BZW2: variants seen among roughly 807,000 people sequenced by gnomAD.
BZW2 encodes basic leucine zipper and W2 domains 2.
A neutral mutation model predicts 53.2 loss-of-function variants in BZW2; 23 were observed. The observed-to-expected ratio is 0.43, with a 90% confidence interval of 0.31 to 0.61. The LOEUF (loss-of-function observed/expected upper bound fraction) is 0.61, where lower values mean the gene tolerates loss of function less well. Ranked by LOEUF, BZW2 falls within the 20% of genes least tolerant of loss-of-function variation. The probability of loss-of-function intolerance (pLI) is 0.09; values close to 1 mark genes in which losing one functional copy is unlikely to be tolerated. For missense variants in BZW2, 409 were observed against 503.1 expected, an observed-to-expected ratio of 0.81 and a Z score of 1.79; for synonymous variants, 227 against 186.4, an observed-to-expected ratio of 1.22 and a Z score of -1.77.
intron 2 of BZW2, among the ~76,000 whole-genome samples, chr7:16,673,975 C>T (rs1046306301): frequency 7.2e-5 from 11 of 152,240 alleles, no homozygotes; most frequent in East Asian, 1.9e-4. Context: ...TCTCTGCTCA[C>T]CGCAACCTCC....
chr7:16,646,990 G>GAA (rs1562471647), intron 1 of BZW2, among the ~76,000 whole-genome samples: 1 of 152,040 alleles, frequency 6.6e-6, no homozygotes, highest in Non-Finnish European at 1.5e-5. Context: ...TGGAGAGGGC[G>GAA]GAGATTAAAT....
chr7:16,688,123 T>C (rs148791371), intron 6 of BZW2, among the ~76,000 whole-genome samples: 9 of 152,302 alleles, frequency 5.9e-5, no homozygotes, highest in African/African-American at 1.4e-4. Context: ...TTAAATGCTT[T>C]TACTTTCCAG....
chr7:16,663,026 A>C (rs1002009340), intron 1 of BZW2, among the ~76,000 whole-genome samples: 1 of 152,216 alleles, frequency 6.6e-6, no homozygotes, highest in Non-Finnish European at 1.5e-5. Context: ...TTTTGCAACA[A>C]TAAAGTATTG....
intron 10 of BZW2, among the ~76,000 whole-genome samples, chr7:16,703,502 A>C (rs1225861456): frequency 6.6e-6 from 1 of 152,152 alleles, no homozygotes; most frequent in Non-Finnish European, 1.5e-5. Context: ...CATAAGTTGA[A>C]ATTATATTTT....
intron 1 of BZW2, among the ~76,000 whole-genome samples, chr7:16,646,496 C>G (rs1343277414): frequency 6.6e-6 from 1 of 152,132 alleles, no homozygotes; most frequent in Non-Finnish European, 1.5e-5. Flanking sequence ...ATGAAGACCT[C>G]CGACTCGCAA....
chr7:16,662,768 G>C (rs1191984098), intron 1 of BZW2, among the ~76,000 whole-genome samples: 1 of 151,728 alleles, frequency 6.6e-6, no homozygotes. Flanking sequence ...GGTAGAGAGA[G>C]AGAAAAAAGG....
intron 5 of BZW2, among the ~76,000 whole-genome samples, chr7:16,683,981 C>T (rs1205159649): frequency 1.3e-5 from 2 of 152,008 alleles, no homozygotes; most frequent in African/African-American, 2.4e-5. Context: ...ATGACCCAGC[C>T]GTCATGAATT....
intron 7 of BZW2, among the ~76,000 whole-genome samples, chr7:16,691,233 C>T (rs573527687): frequency 3.8e-4 from 58 of 152,316 alleles, no homozygotes; most frequent in African/African-American, 1.3e-3. Flanking sequence ...CATGGTACCA[C>T]AAGCTGCAGA....
chr7:16,665,510 T>C lies in BZW2; in HGVS notation c.58+9T>C. 1 of 1,507,664 alleles carries C rather than the reference T, an allele frequency of 6.6e-7. No homozygotes were observed. Among genetic ancestry groups the C allele is most frequent in the Non-Finnish European group, 9.2e-7 (1 of 1,092,348 alleles). The allele number at this position is 1,507,664 out of a possible 1,614,324, so 93.4% of individuals were successfully genotyped here. On this transcript the variant is annotated intron_variant, in intron 2 of 11. Coordinates refer to ENST00000258761, the MANE Select transcript of BZW2 (RefSeq NM_014038.3). Reference sequence around the variant, plus strand: ...CAAAACTCGGAAAAGGGGTAGGTTGTGTGTGTGTGTGTGTGTGTGTTTAAA... The same window carrying C: ...CAAAACTCGGAAAAGGGGTAGGTTGCGTGTGTGTGTGTGTGTGTGTTTAAA...
At chr7:16,667,710 T>TA (rs1018482887) in intron 2 of BZW2, among the ~76,000 whole-genome samples, 1 of 152,158 alleles carries the variant, frequency 6.6e-6, no homozygotes, top group African/African-American at 2.4e-5. Flanking sequence ...ATATAAAAAT[T>TA]AAAAAAAATT....
chr7:16,675,212 T>C (rs1782730006), intron 3 of BZW2, among the ~76,000 whole-genome samples: 2 of 152,234 alleles, frequency 1.3e-5, no homozygotes, highest in Non-Finnish European at 2.9e-5. Flanking sequence ...ATTTTTCCTC[T>C]CATAGTCATT....
At chr7:16,665,633 G>C in intron 2 of BZW2, 132 bp downstream of exon 2, 1 of 1,442,984 alleles carries the variant, frequency 6.9e-7, no homozygotes, top group Admixed American at 2.2e-5. Flanking sequence ...TGTAGAATCT[G>C]AAGTGCTTTA....
rs889550356 is a variant in BZW2, at chr7:16,666,483, ACCT to A, written c.58+991_58+993del. On this transcript the variant is annotated intron_variant, in intron 2 of 11. Transcript: ENST00000258761. The stretch of plus-strand genomic sequence containing the variant: ...AGTGGCGCCATCTCGGCTCACTGCA[ACCT>A]CCTCCTCCCAGGTTCAAGCGATTCT... Among the ~76,000 whole-genome samples the A allele has an allele frequency of 1.0e-4, 15 of 148,462 alleles. No individual in the cohort carries two copies. The East Asian group carries it at 2.6e-3, about 26-fold the overall frequency.
At chr7:16,698,835 T>C (rs1273455838) in intron 10 of BZW2, among the ~76,000 whole-genome samples, 1 of 152,170 alleles carries the variant, frequency 6.6e-6, no homozygotes, top group Non-Finnish European at 1.5e-5. Flanking sequence ...TATGTAGTTT[T>C]GTGAGGGAGA....
At chr7:16,661,056 T>C (rs970725962) in intron 1 of BZW2, among the ~76,000 whole-genome samples, 1 of 152,156 alleles carries the variant, frequency 6.6e-6, no homozygotes, top group Non-Finnish European at 1.5e-5. Flanking sequence ...TTGTGTTCCC[T>C]GCTTTAGAGT....
intron 1 of BZW2, among the ~76,000 whole-genome samples, chr7:16,659,082 C>T (rs995236958): frequency 1.3e-5 from 2 of 150,560 alleles, no homozygotes; most frequent in African/African-American, 2.4e-5. Flanking sequence ...GGCAACATGG[C>T]GAAACTCTTA....
intron 1 of BZW2, among the ~76,000 whole-genome samples, chr7:16,646,910 AGAGTT>A (rs1781882179): frequency 6.6e-6 from 1 of 152,154 alleles, no homozygotes; most frequent in African/African-American, 2.4e-5. Context: ...TTGCTCTGCT[AGAGTT>A]CTCGGTTCTC....
At chr7:16,704,841 A>G (rs1426618652) in intron 11 of BZW2, among the ~76,000 whole-genome samples, 172 bp downstream of exon 11, 4 of 152,244 alleles carry the variant, frequency 2.6e-5, no homozygotes, top group African/African-American at 7.2e-5. Context: ...AATCACGGCA[A>G]TAAAAATCTC....
At chr7:16,690,177 A>G (rs1373804309) in intron 7 of BZW2, among the ~76,000 whole-genome samples, 1 of 152,024 alleles carries the variant, frequency 6.6e-6, no homozygotes, top group Non-Finnish European at 1.5e-5. Context: ...ATCAGAATTA[A>G]GACTTTGTTT....
Sources: allele counts gnomAD v4.1 joint callset (sites outside exome capture counted in the v4.1 genomes callset), GRCh38; gene constraint gnomAD v4.1.1; transcripts MANE v1.5; gene names NCBI Gene and HGNC (gene_info 2026-07-23, HGNC 2026-07-21).